The following PPP1R2 variants were observed in gnomAD, a reference collection of about 807,000 sequenced individuals.
The protein encoded by PPP1R2 is protein phosphatase inhibitor 2.
In PPP1R2, 16 loss-of-function variants were observed where a neutral mutation model predicts 29.9. The observed-to-expected ratio is 0.53, with a 90% CI of 0.36 to 0.81. The LOEUF (loss-of-function observed/expected upper bound fraction) is 0.81, where lower values mean the gene tolerates loss of function less well. PPP1R2 is among the 30% of genes least tolerant of loss of function. The pLI, the probability that PPP1R2 is intolerant of heterozygous loss-of-function variation, is 0.00. For synonymous variants in PPP1R2, 76 were observed against 91.5 expected (o/e 0.83, Z 0.96); for missense variants, 197 against 252.7 (o/e 0.78, Z 1.49).
At chr3:195,535,223 G>A (rs775548681) in intron 1 of PPP1R2, among the ~76,000 whole-genome samples, 12 of 152,150 alleles carry the variant, frequency 7.9e-5, no homozygotes, top group Non-Finnish European at 1.5e-4. Context: ...TTCACAATAG[G>A]GTTCACACTC....
Position 195,528,700 on chromosome 3 carries a change from CTATTTTTT to C in PPP1R2, c.230+1086_230+1093del, listed in dbSNP as rs1466788646. The C allele has an allele frequency of 3.2e-3, 244 of 76,626 alleles. 1 individual carries two copies. Among genetic ancestry groups the C allele is most frequent in the African/African-American group, 0.013 (238 of 18,792 alleles). The allele number at this position is 76,626 out of a possible 1,614,324, so 4.7% of individuals were successfully genotyped here. ...TCAATACAAGGTAGGTAGGGCATAA[CTATTTTTT>C]TTTTTTTTTTTTTTTTTTTTTTTTG... On this transcript the variant is annotated intron_variant, in intron 2 of 5. Transcript: ENST00000618156.
chr3:195,541,079 T>C (rs950434848), intron 1 of PPP1R2, among the ~76,000 whole-genome samples: 2 of 152,198 alleles, frequency 1.3e-5, no homozygotes, highest in Non-Finnish European at 2.9e-5. Flanking sequence ...GGTCAGTCCC[T>C]TTTAAGTGAA....
Position 195,516,046 on chromosome 3 carries a change from A to ATCT in PPP1R2, c.*849_*850insAGA, listed in dbSNP as rs1718532780. 6.6e-6 allele frequency: 1 copy of ATCT among 152,212 alleles called. No individual in the cohort carries two copies. Among genetic ancestry groups the ATCT allele is most frequent in the African/African-American group, 2.4e-5 (1 of 41,448 alleles). 9.4% of individuals were successfully genotyped at this position (152,212 alleles called of 1,614,324 possible). ...TCTTAATGATCCTTTAAAAGGTAGA[A>ATCT]GATTGTGTGCGTATGTGTGGAAAGG... is the stretch of plus-strand genomic sequence containing the variant. On this transcript the variant is annotated 3_prime_UTR_variant, in exon 6 of 6. Coordinates refer to ENST00000618156, the MANE Select transcript of PPP1R2 (RefSeq NM_006241.8).
At chr3:195,537,853 A>C (rs1157755430) in intron 1 of PPP1R2, among the ~76,000 whole-genome samples, 1 of 152,236 alleles carries the variant, frequency 6.6e-6, no homozygotes, top group Non-Finnish European at 1.5e-5. Flanking sequence ...CAAGCATTTA[A>C]ATAACGGTAT....
chr3:195,516,894 G>A lies in PPP1R2; in HGVS notation c.*2C>T, dbSNP rs200803998. 45 of 1,610,784 alleles carry A rather than the reference G, an allele frequency of 2.8e-5. No homozygotes were observed. The highest frequency in any genetic ancestry group is 2.8e-5 in the Non-Finnish European group (33 of 1,177,418). On this transcript the variant is annotated 3_prime_UTR_variant, in exon 6 of 6. Coordinates refer to ENST00000618156, the MANE Select transcript of PPP1R2 (RefSeq NM_006241.8). The stretch of plus-strand genomic sequence containing the variant: ...ACAATTGCAGTGTTGAACAAATCTC[G>A]TCTATGAACTTCGTAATTTGTTTTG...
chr3:195,536,329 A>G (rs1012665783), intron 1 of PPP1R2, among the ~76,000 whole-genome samples: 5 of 150,994 alleles, frequency 3.3e-5, no homozygotes, highest in Non-Finnish European at 7.4e-5. Context: ...TGCTGGGATT[A>G]TAGGTGTGAG....
chr3:195,524,891 A>G lies in PPP1R2; in HGVS notation c.236T>C (p.Met79Thr). 7 of 1,613,958 alleles carry G rather than the reference A, an allele frequency of 4.3e-6. No homozygotes were observed. The highest frequency in any genetic ancestry group is 5.9e-6 in the Non-Finnish European group (7 of 1,179,842). ...ACTACAGGCATCTTCATCATCCCCC[A>G]TCATACTAGTATGACAAGCACATTG... ...DEPSTPYHSM[M>T]GDDEDACSDT... Residue 79 changes from methionine to threonine, a missense_variant, in exon 3 of 6, where the codon ATG (methionine) becomes ACG (threonine). Met to Thr is a moderately conservative substitution (Grantham distance 81). Transcript: ENST00000618156.
intron 1 of PPP1R2, among the ~76,000 whole-genome samples, chr3:195,542,502 C>T (rs1423959835): frequency 2.0e-5 from 3 of 152,102 alleles, no homozygotes; most frequent in Non-Finnish European, 4.4e-5. Flanking sequence ...CGCCTATTAG[C>T]TTGAGACTAG....
At chr3:195,536,123 T>G (rs945623928) in intron 1 of PPP1R2, among the ~76,000 whole-genome samples, 2 of 152,148 alleles carry the variant, frequency 1.3e-5, no homozygotes, top group Non-Finnish European at 2.9e-5. Flanking sequence ...ATTGTTTATA[T>G]TACCTGTAAG....
intron 2 of PPP1R2, among the ~76,000 whole-genome samples, chr3:195,525,857 C>T (rs73071740): frequency 0.089 from 13,522 of 152,070 alleles, 1,137 homozygotes; most frequent in East Asian, 0.38. Context: ...GTTTAGATGA[C>T]GTTCTTTTTT....
intron 1 of PPP1R2, among the ~76,000 whole-genome samples, chr3:195,530,431 C>G (rs1719134031): frequency 6.6e-6 from 1 of 151,150 alleles, no homozygotes; most frequent in Non-Finnish European, 1.5e-5. Context: ...AATTACAGCT[C>G]TGTTTATTTC....
intron 1 of PPP1R2, among the ~76,000 whole-genome samples, chr3:195,536,578 CAGG>C (rs1172275267): frequency 6.6e-6 from 1 of 151,810 alleles, no homozygotes; most frequent in Non-Finnish European, 1.5e-5. Flanking sequence ...CACCTGAAGT[CAGG>C]AGTTCAAGAC....
intron 5 of PPP1R2, among the ~76,000 whole-genome samples, chr3:195,518,019 C>T (rs1718611946): frequency 6.6e-6 from 1 of 152,138 alleles, no homozygotes; most frequent in Admixed American, 6.5e-5. Flanking sequence ...CTTAACCATT[C>T]TGGGCACCAC....
At chr3:195,538,218 C>G (rs1228269297) in intron 1 of PPP1R2, among the ~76,000 whole-genome samples, 4 of 152,222 alleles carry the variant, frequency 2.6e-5, no homozygotes, top group African/African-American at 9.6e-5. Flanking sequence ...GTCACCGCTT[C>G]TCACTTTTAC....
intron 1 of PPP1R2, among the ~76,000 whole-genome samples, chr3:195,541,455 CTTTTTTTT>C (rs553981950): frequency 6.3e-4 from 63 of 99,304 alleles, no homozygotes; most frequent in Admixed American, 1.7e-3. Flanking sequence ...CTTTTCTTTC[CTTTTTTTT>C]TTTTTTTTTT....
intron 1 of PPP1R2, among the ~76,000 whole-genome samples, chr3:195,533,140 C>T (rs759474871): frequency 2.0e-5 from 3 of 151,888 alleles, no homozygotes; most frequent in East Asian, 1.9e-4. Context: ...TGAGGTTAGG[C>T]GCTCGAGACC....
intron 1 of PPP1R2, among the ~76,000 whole-genome samples, chr3:195,535,057 C>T (rs76805672): frequency 0.038 from 5,852 of 152,242 alleles, 366 homozygotes; most frequent in African/African-American, 0.13. Context: ...CAGTGGTCCC[C>T]AACCTTTTTA....
chr3:195,521,314 CAAAAAAAAAAAA>C (rs869228346), intron 4 of PPP1R2, among the ~76,000 whole-genome samples: 3 of 56,660 alleles, frequency 5.3e-5, no homozygotes, highest in South Asian at 9.9e-4. Flanking sequence ...GACTCTGTCT[CAAAAAAAAAAAA>C]AAAAAAAAAA....
In PPP1R2 at chr3:195,515,084, A is replaced by C. The variant is rs1160168221; in HGVS notation, c.*1812T>G. 1 of 296,148 alleles carries C rather than the reference A, an allele frequency of 3.4e-6. No homozygotes were observed. Among genetic ancestry groups the C allele is most frequent in the African/African-American group, 2.3e-5 (1 of 44,388 alleles). The allele number at this position is 296,148 out of a possible 1,614,324, so 18.3% of individuals were successfully genotyped here. On this transcript the variant is annotated 3_prime_UTR_variant, in exon 6 of 6. Coordinates refer to ENST00000618156, the MANE Select transcript of PPP1R2 (RefSeq NM_006241.8). Reference sequence around the variant, plus strand: ...GAAAACCAAAATCAGAGGGTGCATGAATATATGTGCACGCACATGTACAGA... The same window carrying C: ...GAAAACCAAAATCAGAGGGTGCATGCATATATGTGCACGCACATGTACAGA...
Sources: allele counts gnomAD v4.1 joint callset (sites outside exome capture counted in the v4.1 genomes callset), GRCh38; gene constraint gnomAD v4.1.1; transcripts MANE v1.5; gene names NCBI Gene and HGNC (gene_info 2026-07-23, HGNC 2026-07-21).